Variants in SVEP1 observed in about 807,000 individuals in gnomAD.
SVEP1 encodes the protein sushi, von Willebrand factor type A, EGF and pentraxin domain-containing protein 1.
A neutral mutation model predicts 367.3 loss-of-function variants in SVEP1; 164 were observed. That is an observed-to-expected ratio of 0.45 (90% CI 0.39 to 0.51). SVEP1 has a LOEUF of 0.51. SVEP1 is among the 20% of genes least tolerant of loss of function. The probability of loss-of-function intolerance (pLI) is 0.00; values close to 1 mark genes in which losing one functional copy is unlikely to be tolerated. For missense variants in SVEP1, 4,117 were observed against 4,425.3 expected (o/e 0.93, Z 1.98); for synonymous variants, 1,666 against 1,611.6 (o/e 1.03, Z -0.81).
chr9:110,368,746 T>C (rs1465385557), intron 47 of SVEP1, among the ~76,000 whole-genome samples: 2 of 152,200 alleles, frequency 1.3e-5, no homozygotes, highest in East Asian at 1.9e-4. Context: ...CAGGTAAAGG[T>C]ATAATCTTGG....
At chr9:110,542,121 T>C (rs892154440) in intron 3 of SVEP1, among the ~76,000 whole-genome samples, 1 of 152,046 alleles carries the variant, frequency 6.6e-6, no homozygotes, top group Non-Finnish European at 1.5e-5. Flanking sequence ...TTGCGAAACA[T>C]TTTGAACACA....
chr9:110,390,336 C>CTTATATGTGTATAT (rs1288152358), intron 40 of SVEP1, among the ~76,000 whole-genome samples: 1 of 23,000 alleles, frequency 4.3e-5, no homozygotes, highest in Non-Finnish European at 7.1e-5. Context: ...TATATATACA[C>CTTATATGTGTATAT]ATACTTATAT....
chr9:110,564,691 C>T (rs1476181654), intron 1 of SVEP1, among the ~76,000 whole-genome samples: 3 of 151,846 alleles, frequency 2.0e-5, no homozygotes, highest in East Asian at 3.9e-4. Flanking sequence ...GACCATATGA[C>T]CACATAAATA....
chr9:110,371,520 A>G (rs1243906980), intron 46 of SVEP1, among the ~76,000 whole-genome samples: 1 of 152,032 alleles, frequency 6.6e-6, no homozygotes, highest in East Asian at 1.9e-4. Context: ...CTAAACTATC[A>G]TCCAACTGCT....
chr9:110,491,699 G>A (rs1829369399), intron 8 of SVEP1, among the ~76,000 whole-genome samples: 1 of 151,552 alleles, frequency 6.6e-6, no homozygotes, highest in Non-Finnish European at 1.5e-5. Context: ...AAGTTTAAAA[G>A]TCTCATTCAG....
chr9:110,553,842 A>G (rs1454224234), intron 1 of SVEP1, among the ~76,000 whole-genome samples: 1 of 152,160 alleles, frequency 6.6e-6, no homozygotes, highest in Non-Finnish European at 1.5e-5. Flanking sequence ...CAGTTGCTCG[A>G]GCAAAAACCT....
At chr9:110,551,005 G>A (rs1830278934) in intron 1 of SVEP1, among the ~76,000 whole-genome samples, 1 of 152,118 alleles carries the variant, frequency 6.6e-6, no homozygotes. Context: ...AAAAGATAAA[G>A]AAGCACCAGG....
Position 110,390,011 on chromosome 9 carries a change from AAGTGTGTGTGTG to A in SVEP1, c.9823-436_9823-425del. ...AAAAACACATGTGATGTATACACAT[AAGTGTGTGTGTG>A]TGTGTATATATATATAAGTATATAT... On this transcript the variant is annotated intron_variant, in intron 40 of 47. Coordinates refer to ENST00000374469, the MANE Select transcript of SVEP1 (RefSeq NM_153366.4). Among the ~76,000 whole-genome samples the A allele has an allele frequency of 5.2e-5, 6 of 115,190 alleles. No homozygotes were observed. In the South Asian group the frequency reaches 1.7e-3, roughly 33 times the overall value. 75.6% of individuals were successfully genotyped at this position (115,190 alleles called of 152,430 possible).
intron 1 of SVEP1, among the ~76,000 whole-genome samples, chr9:110,568,645 C>A (rs888373746): frequency 5.3e-5 from 8 of 152,050 alleles, no homozygotes; most frequent in Middle Eastern, 3.4e-3. Flanking sequence ...AGGGAAGGGA[C>A]CCTTACTCTG....
rs147714013 is a variant in SVEP1 at position 110,480,685 on chromosome 9, A to G, written c.2365+557T>C. ...CTCATTCTGTCACCCAAGCTGAAGT[A>G]CAGTGATGTGATCAAAGTTCCCTGC... On this transcript the variant is annotated intron_variant, in intron 12 of 47. Transcript: ENST00000374469. 4.6e-5 allele frequency among the ~76,000 whole-genome samples: 7 copies of G among 152,136 alleles called. No individual in the cohort carries two copies. In the East Asian group the frequency reaches 1.4e-3, roughly 29 times the overall value.
At chr9:110,480,941 A>G (rs1376664206) in intron 12 of SVEP1, among the ~76,000 whole-genome samples, 2 of 152,084 alleles carry the variant, frequency 1.3e-5, no homozygotes, top group Non-Finnish European at 2.9e-5. Flanking sequence ...CTTGAAATTC[A>G]TATTTACAGG....
At chr9:110,531,572 G>GT (rs928517514) in intron 3 of SVEP1, among the ~76,000 whole-genome samples, 6 of 152,136 alleles carry the variant, frequency 3.9e-5, no homozygotes, top group Non-Finnish European at 7.3e-5. Context: ...TGCCATGATT[G>GT]TAAGTTTCCT....
rs1828084192 is a variant in SVEP1, at chr9:110,414,153, C to A, written c.5976-2418G>T. On this transcript the variant is annotated intron_variant, in intron 36 of 47. Coordinates refer to ENST00000374469, the MANE Select transcript of SVEP1 (RefSeq NM_153366.4). ...AAACTGTATTGCAGTGTCACTAATACAAATTATTTGACCCACCCATTAGCA... is the reference window on the plus strand; with the variant it reads ...AAACTGTATTGCAGTGTCACTAATAAAAATTATTTGACCCACCCATTAGCA... Among the ~76,000 whole-genome samples the A allele has an allele frequency of 1.3e-5, 2 of 152,006 alleles. 1 individual carries two copies. Among genetic ancestry groups the A allele is most frequent in the African/African-American group, 4.8e-5 (2 of 41,282 alleles).
chr9:110,372,694 A>C (rs1009242912), intron 46 of SVEP1, among the ~76,000 whole-genome samples: 6 of 152,092 alleles, frequency 3.9e-5, no homozygotes, highest in South Asian at 2.1e-4. Context: ...TAGGTGGAGG[A>C]AAGAGGAAGA....
chr9:110,384,119 G>C (rs1448192271), intron 43 of SVEP1, among the ~76,000 whole-genome samples: 1 of 149,160 alleles, frequency 6.7e-6, no homozygotes, highest in African/African-American at 2.5e-5. Flanking sequence ...TGGCCGCCAA[G>C]AATCTACACA....
chr9:110,380,978 C>A (rs79102926), intron 43 of SVEP1, among the ~76,000 whole-genome samples: 3 of 152,178 alleles, frequency 2.0e-5, no homozygotes, highest in Non-Finnish European at 4.4e-5. Flanking sequence ...TTATCCATTT[C>A]TTCTAGATTT....
In SVEP1 at chr9:110,432,407, T is replaced by C. The variant is rs1828364182; in HGVS notation, c.5233+55A>G. ...AAGAACCTCAGGAATTTGGGATGAC[T>C]GTCATCTACAGAGCTAGAATAATCT... On this transcript the variant is annotated intron_variant, in intron 31 of 47. Transcript: ENST00000374469. 13 of 1,536,948 alleles carry C rather than the reference T, an allele frequency of 8.5e-6. No homozygotes were observed. The East Asian group carries it at 1.6e-4, about 19-fold the overall frequency.
At position 110,465,872 on chromosome 9, in the gene SVEP1, T is replaced by G. The variant is rs537175362; in HGVS notation, c.3315A>C (p.Ala1105=). The G allele has an allele frequency of 9.3e-6, 15 of 1,612,810 alleles. No individual in the cohort carries two copies. The East Asian group carries it at 2.0e-4, about 22-fold the overall frequency. The change falls in exon 18 of 48, where the codon GCA becomes GCC. Residue 1105 remains alanine, a synonymous_variant. Coordinates refer to ENST00000374469, the MANE Select transcript of SVEP1 (RefSeq NM_153366.4). ...TVKRGAVNIS[A]CGVPCPEGKF... ...GTCTAAGGCTTTGATAACCTCCACA[T>G]GCAGAAATGTTCACGGCTCCTCTTT... is the stretch of plus-strand genomic sequence containing the variant.
chr9:110,481,284 C>T lies in SVEP1; in HGVS notation c.2323G>A (p.Val775Ile), dbSNP rs201737972. Residue 775 changes from valine (V) to isoleucine (I), a missense_variant, in exon 12 of 48, where the codon GTC becomes ATC. Around this residue, in one of 4 missense-constraint regions of SVEP1, gnomAD observed 2,174 missense variants for 2,494.3 expected, o/e 0.87. Transcript: ENST00000374469. ...TCAGTGGTATATGTTGGTTTCCAGA[C>T]GCCATCTTCATAAGCACAATAATAC... is the stretch of plus-strand genomic sequence containing the variant. ...DKYYCAYEDG[V>I]WKPTYTTEWP... 1,481 of 1,603,886 alleles carry T rather than the reference C, an allele frequency of 9.2e-4. 1 individual carries two copies. The highest frequency in any genetic ancestry group is 1.1e-3 in the Non-Finnish European group (1,342 of 1,175,088).
Sources: allele counts gnomAD v4.1 joint callset (sites outside exome capture counted in the v4.1 genomes callset), GRCh38; gene constraint gnomAD v4.1.1; regional missense constraint gnomAD v4.1.1; transcripts MANE v1.5; gene names NCBI Gene and HGNC (gene_info 2026-07-23, HGNC 2026-07-21).